The following TFIP11 variants were observed in gnomAD, a reference collection of about 807,000 sequenced individuals.
TFIP11 encodes the protein tuftelin interacting protein 11.
In TFIP11, 86 loss-of-function variants were observed where a neutral mutation model predicts 96.8. The ratio of observed to expected loss-of-function variants is 0.89; its 90% CI spans 0.75 to 1.06. TFIP11 has a LOEUF of 1.06. Among genes scored for constraint, TFIP11 ranks in the 50% least tolerant of loss-of-function variants. The pLI, the probability that TFIP11 is intolerant of heterozygous loss-of-function variation, is 0.00. For synonymous variants in TFIP11, 405 were observed against 395.2 expected, an observed-to-expected ratio of 1.02 and a Z score of -0.29; for missense variants, 881 against 1,076.7, an observed-to-expected ratio of 0.82 and a Z score of 2.54.
Position 26,494,901 on chromosome 22 carries a change from G to T in TFIP11, c.1888C>A (p.Gln630Lys). Residue 630 changes from glutamine (Q) to lysine (K), a missense_variant, in exon 13 of 15, where the codon CAG becomes AAG. Transcript: ENST00000407690. Reference sequence around the variant, plus strand: ...ACCCAATAGAATGCATCCATGTGCTGCTGGTGGGGGTTAATGACTAGCTCA... The same window carrying T: ...ACCCAATAGAATGCATCCATGTGCTTCTGGTGGGGGTTAATGACTAGCTCA... ...LGELVINPHQ[Q>K]HMDAFYWVID... 2 of 1,614,236 alleles carry T rather than the reference G, an allele frequency of 1.2e-6. No individual in the cohort carries two copies. Among genetic ancestry groups the T allele is most frequent in the Non-Finnish European group, 1.7e-6 (2 of 1,180,052 alleles).
At chr22:26,495,381 C>T (rs1921818854) in intron 12 of TFIP11, among the ~76,000 whole-genome samples, 1 of 143,454 alleles carries the variant, frequency 7.0e-6, no homozygotes, top group African/African-American at 2.6e-5. Flanking sequence ...AGGTTCAAGC[C>T]ATCCTCCCGC....
chr22:26,494,617 C>T (rs762497462), intron 13 of TFIP11, 180 bp downstream of exon 13: 98 of 919,880 alleles, frequency 1.1e-4, no homozygotes, highest in Non-Finnish European at 1.5e-4. Context: ...GGAACAGCTT[C>T]TGATACATGG....
At position 26,504,669 on chromosome 22, in the gene TFIP11, C is replaced by CA. The variant is rs200445534; in HGVS notation, c.521-877dup. Among the ~76,000 whole-genome samples the CA allele has an allele frequency of 8.4e-3, 1,275 of 151,708 alleles. 9 individuals carry two copies. Among genetic ancestry groups the CA allele is most frequent in the Middle Eastern group, 0.017 (5 of 294 alleles). On this transcript the variant is annotated intron_variant, in intron 6 of 14. Transcript: ENST00000407690. ...TAGGTAACAGAGTGAGACTTTGTAT[C>CA]AAAAAAAAGCAAAAAAACTGTCCCC...
chr22:26,502,192 GCACCTGCAAGA>G (rs1922886134), intron 7 of TFIP11, 140 bp from the exon 8 acceptor site: 3 of 988,290 alleles, frequency 3.0e-6, no homozygotes, highest in Non-Finnish European at 4.5e-6. Context: ...AGGAAAGGAT[GCACCTGCAAGA>G]CACCAAAACT....
rs147783860 is a variant in TFIP11 at position 26,504,802 on chromosome 22, G to A, written c.521-1009C>T. Among the ~76,000 whole-genome samples the A allele has an allele frequency of 8.7e-3, 1,330 of 152,096 alleles. 20 individuals carry two copies. Among genetic ancestry groups the A allele is most frequent in the African/African-American group, 0.031 (1,269 of 41,496 alleles). ...TTTAATAATTATTTAGAGGCCAGGC[G>A]CAGTGGCTCACACCTATAATCCCAG... is the stretch of plus-strand genomic sequence containing the variant. On this transcript the variant is annotated intron_variant, in intron 6 of 14. Transcript: ENST00000407690.
At chr22:26,506,642 A>C (rs1923447067) in intron 5 of TFIP11, 133 bp downstream of exon 5, 2 of 1,362,036 alleles carry the variant, frequency 1.5e-6, no homozygotes, top group Non-Finnish European at 2.0e-6. Context: ...TTCACAACTC[A>C]CAGAAACCTG....
At chr22:26,499,991 T>C (rs5997096) in intron 8 of TFIP11, among the ~76,000 whole-genome samples, 71,064 of 151,982 alleles carry the variant, frequency 0.47, 17,237 homozygotes, top group Non-Finnish European at 0.51. Context: ...ACAATCAGAA[T>C]ATCACATTTT....
At chr22:26,512,333 C>G in intron 1 of TFIP11, 61 bp downstream of exon 1, 1 of 152,300 alleles carries the variant, frequency 6.6e-6, no homozygotes, top group East Asian at 1.9e-4. Context: ...AGCTCGCCTT[C>G]CCTGAGCCTT....
At chr22:26,495,416 G>C (rs7286252) in intron 12 of TFIP11, among the ~76,000 whole-genome samples, 126,739 of 151,234 alleles carry the variant, frequency 0.84, 53,699 homozygotes, top group South Asian at 0.9. Context: ...TAGCTGGGAC[G>C]ACAGGCGCCC....
chr22:26,501,805 AAAG>A, intron 8 of TFIP11, 92 bp downstream of exon 8: 28 of 798,084 alleles, frequency 3.5e-5, no homozygotes, highest in South Asian at 1.5e-4. Flanking sequence ...AAAAAAAAAA[AAAG>A]CCTAGCTAAA....
At position 26,497,851 on chromosome 22, in the gene TFIP11, G is replaced by A. The variant is rs548438483; in HGVS notation, c.1437-962C>T. 2.7e-3 allele frequency among the ~76,000 whole-genome samples: 396 copies of A among 148,404 alleles called. 3 individuals carry two copies. Among genetic ancestry groups the A allele is most frequent in the African/African-American group, 9.6e-3 (384 of 39,994 alleles). On this transcript the variant is annotated intron_variant, in intron 10 of 14. Transcript: ENST00000407690. ...AGATCGTGCCACTGCACTCCAGCCT[G>A]GCGACAAAGCAAGACTTCATCTCAA...
Position 26,497,859 on chromosome 22 carries a change from A to G in TFIP11, c.1437-970T>C, listed in dbSNP as rs1011172988. 3.5e-5 allele frequency among the ~76,000 whole-genome samples: 5 copies of G among 144,620 alleles called. No individual in the cohort carries two copies. In the Admixed American group the frequency reaches 3.5e-4, roughly 10 times the overall value. 94.9% of individuals were successfully genotyped at this position (144,620 alleles called of 152,430 possible). ...CCACTGCACTCCAGCCTGGCGACAA[A>G]GCAAGACTTCATCTCAAAAAAAAAA... On this transcript the variant is annotated intron_variant, in intron 10 of 14. Transcript: ENST00000407690.
At chr22:26,506,497 A>T (rs373872592) in intron 5 of TFIP11, 38 bp from the exon 6 acceptor site, 16 of 1,577,016 alleles carry the variant, frequency 1.0e-5, no homozygotes, top group Non-Finnish European at 1.2e-5. Context: ...TTAATGGAAA[A>T]ACAAAATGAA....
In TFIP11 at chr22:26,506,841, A is replaced by T. The variant is rs1569165207; in HGVS notation, c.297T>A (p.Asp99Glu). The T allele has an allele frequency of 6.2e-7, 1 of 1,614,220 alleles. No homozygotes were observed. Among genetic ancestry groups the T allele is most frequent in the Admixed American group, 1.7e-5 (1 of 60,024 alleles). The change falls in exon 5 of 15, where the codon GAT becomes GAA. Residue 99 changes from aspartate (D) to glutamate (E), a missense_variant. Asp to Glu is a conservative substitution (Grantham distance 45). Coordinates refer to ENST00000407690, the MANE Select transcript of TFIP11 (RefSeq NM_012143.4). ...AAEEAELEDS[D>E]DEEKPVKQDD... ...CCTGCTTAACAGGTTTCTCTTCGTCATCAGAATCTTCCAACTCTGCCTCCT... is the reference window on the plus strand; with the variant it reads ...CCTGCTTAACAGGTTTCTCTTCGTCTTCAGAATCTTCCAACTCTGCCTCCT...
At position 26,503,695 on chromosome 22, in the gene TFIP11, C is replaced by G. The variant is rs372337248; in HGVS notation, c.619G>C (p.Val207Leu). 6.2e-7 allele frequency: 1 copy of G among 1,614,128 alleles called. No homozygotes were observed. The highest frequency in any genetic ancestry group is 1.3e-5 in the African/African-American group (1 of 75,018). The change falls in exon 7 of 15, where the codon GTG becomes CTG. Residue 207 changes from valine to leucine, a missense_variant. Val to Leu is a conservative substitution (Grantham distance 32). Transcript: ENST00000407690. The stretch of plus-strand genomic sequence containing the variant: ...TCAGCTTCTTCCTCTGAGTCAACCA[C>G]AGGGAAGTCTTGCATGGACTGAGTG... ...RTTQSMQDFP[V>L]VDSEEEAEEE... is the part of the protein sequence containing the mutation.
chr22:26,498,715 T>A (rs965051612), intron 10 of TFIP11, 154 bp downstream of exon 10: 14 of 628,796 alleles, frequency 2.2e-5, no homozygotes, highest in Admixed American at 8.1e-5. Context: ...AAAAAAAAAA[T>A]TCATAGCCAA....
chr22:26,506,806 G>C lies in TFIP11; in HGVS notation c.332C>G (p.Pro111Arg), dbSNP rs1359507799. The C allele has an allele frequency of 6.2e-7, 1 of 1,614,142 alleles. No individual in the cohort carries two copies. The highest frequency in any genetic ancestry group is 1.3e-5 in the African/African-American group (1 of 75,044). ...EEKPVKQDDF[P>R]KDFGPRKLKT... ...TAGCTTCCTTGGTCCAAAATCCTTA[G>C]GAAAGTCGTCCTGCTTAACAGGTTT... The change falls in exon 5 of 15, where the codon CCT (proline) becomes CGT (arginine). Residue 111 changes from proline (P) to arginine (R), a missense_variant. By Grantham distance (103) the Pro-to-Arg change is moderately radical (BLOSUM62 -2). Coordinates refer to ENST00000407690, the MANE Select transcript of TFIP11 (RefSeq NM_012143.4).
At chr22:26,508,011 C>T (rs180877424) in intron 4 of TFIP11, among the ~76,000 whole-genome samples, 4 of 152,022 alleles carry the variant, frequency 2.6e-5, no homozygotes, top group South Asian at 2.1e-4. Context: ...AGGAGGCTGA[C>T]GCATGAGAAA....
chr22:26,495,035 TACA>T, intron 12 of TFIP11, 96 bp from the exon 13 acceptor site: 1 of 1,529,856 alleles, frequency 6.5e-7, no homozygotes, highest in South Asian at 1.2e-5. Flanking sequence ...CATCTCAGCT[TACA>T]GCAACCTCCG....
Sources: gnomAD v4.1 joint callset for allele counts (sites outside exome capture counted in the v4.1 genomes callset) on GRCh38, gnomAD v4.1.1 for gene constraint, MANE v1.5 for transcripts, NCBI Gene and HGNC (gene_info 2026-07-23, HGNC 2026-07-21) for gene names.